PCDH15: variants seen among roughly 807,000 people sequenced by gnomAD.
PCDH15 encodes the protein protocadherin-15.
In PCDH15, 129 loss-of-function variants were observed where a neutral mutation model predicts 178.5. The ratio of observed to expected loss-of-function variants is 0.72; its 90% CI spans 0.63 to 0.84. The LOEUF (loss-of-function observed/expected upper bound fraction) is 0.84, where lower values mean the gene tolerates loss of function less well. Ranked by LOEUF, PCDH15 falls within the 40% of genes least tolerant of loss-of-function variation. The pLI, the probability that PCDH15 is intolerant of heterozygous loss-of-function variation, is 0.00. For missense variants in PCDH15, 2,230 were observed against 2,099.9 expected, an observed-to-expected ratio of 1.06 and a Z score of -1.21; for synonymous variants, 800 against 732.0, an observed-to-expected ratio of 1.09 and a Z score of -1.50.
chr10:55,194,186 G>A (rs1371644288), intron 1 of PCDH15, among the ~76,000 whole-genome samples: 2 of 151,970 alleles, frequency 1.3e-5, no homozygotes, highest in African/African-American at 4.8e-5. Context: ...GATCTTAACT[G>A]TGATGTTATA....
chr10:54,361,763 G>T (rs986147366), intron 5 of PCDH15, among the ~76,000 whole-genome samples: 1 of 151,896 alleles, frequency 6.6e-6, no homozygotes, highest in African/African-American at 2.4e-5. Flanking sequence ...TCATATTAAT[G>T]GTCTTACACT....
Position 55,304,313 on chromosome 10 carries a change from T to C in PCDH15, c.-156+15286A>G, listed in dbSNP as rs190888289. 2.6e-5 allele frequency among the ~76,000 whole-genome samples: 4 copies of C among 152,298 alleles called. No individual in the cohort carries two copies. The East Asian group carries it at 5.8e-4, about 22-fold the overall frequency. On this transcript the variant is annotated intron_variant, in intron 1 of 5. Transcript: ENST00000458638. ...CTGAACCTATTTGGTGCTTTCAGGT[T>C]ATCACCTTCTCCAGAACACAATTTA...
At chr10:55,009,629 C>T (rs1840006789) in intron 2 of PCDH15, among the ~76,000 whole-genome samples, 1 of 151,750 alleles carries the variant, frequency 6.6e-6, no homozygotes, top group Admixed American at 6.6e-5. Flanking sequence ...TCTCATTATT[C>T]TTCATTATTC....
At chr10:54,294,513 C>T (rs1433647573) in intron 8 of PCDH15, among the ~76,000 whole-genome samples, 1 of 152,096 alleles carries the variant, frequency 6.6e-6, no homozygotes, top group Non-Finnish European at 1.5e-5. Context: ...ACGCATGTTA[C>T]TAATTTATTA....
intron 1 of PCDH15, among the ~76,000 whole-genome samples, chr10:54,678,960 G>A (rs896533466): frequency 3.3e-5 from 5 of 152,028 alleles, no homozygotes; most frequent in African/African-American, 1.2e-4. Flanking sequence ...GGAGGCCGAG[G>A]CGGGCGGATC....
chr10:54,808,207 A>G (rs1478082082), intron 3 of PCDH15, among the ~76,000 whole-genome samples: 1 of 152,206 alleles, frequency 6.6e-6, no homozygotes, highest in Non-Finnish European at 1.5e-5. Context: ...AGGCCATTCA[A>G]GGAACAAATT....
At chr10:54,771,506 G>A (rs1267139218) in intron 1 of PCDH15, among the ~76,000 whole-genome samples, 1 of 152,030 alleles carries the variant, frequency 6.6e-6, no homozygotes, top group Non-Finnish European at 1.5e-5. Context: ...GTTCAAGCCA[G>A]TCAGAATTGA....
intron 2 of PCDH15, among the ~76,000 whole-genome samples, chr10:54,617,680 C>T (rs114513196): frequency 0.038 from 5,609 of 148,456 alleles, 320 homozygotes; most frequent in African/African-American, 0.13. Context: ...GCCTGTAATT[C>T]GAGGTGGGAG....
At chr10:55,299,576 T>A (rs77049921) in intron 1 of PCDH15, among the ~76,000 whole-genome samples, 4,706 of 152,260 alleles carry the variant, frequency 0.031, 103 homozygotes, top group East Asian at 0.091. Flanking sequence ...TTTGGCAAAA[T>A]CTTTATCTGG....
intron 8 of PCDH15, among the ~76,000 whole-genome samples, chr10:54,292,840 C>T (rs184371219): frequency 1.3e-4 from 20 of 152,238 alleles, no homozygotes; most frequent in African/African-American, 4.3e-4. Flanking sequence ...GAAGAAAATT[C>T]CATGCTCATA....
At chr10:54,679,301 T>C (rs556578331) in intron 1 of PCDH15, among the ~76,000 whole-genome samples, 6 of 152,248 alleles carry the variant, frequency 3.9e-5, no homozygotes, top group Non-Finnish European at 7.4e-5. Flanking sequence ...GATTGGTGTA[T>C]TGAAGAGAAA....
intron 29 of PCDH15, among the ~76,000 whole-genome samples, chr10:53,839,202 C>CAAAAAA (rs758823713): frequency 1.7e-4 from 13 of 74,574 alleles, no homozygotes; most frequent in African/African-American, 2.6e-4. Context: ...GTCTCCGTCT[C>CAAAAAA]AAAAAAAAAA....
intron 30 of PCDH15, among the ~76,000 whole-genome samples, chr10:53,830,994 A>G (rs554755552): frequency 6.6e-6 from 1 of 152,284 alleles, no homozygotes; most frequent in South Asian, 2.1e-4. Context: ...TTACCCCAGG[A>G]TACCTGTTAC....
At chr10:54,772,712 C>T (rs61209708) in intron 1 of PCDH15, among the ~76,000 whole-genome samples, 4,441 of 152,120 alleles carry the variant, frequency 0.029, 176 homozygotes, top group African/African-American at 0.099. Context: ...GGTGGCGATT[C>T]CTCAGAGACC....
intron 2 of PCDH15, chr10:55,599,734 A>C (rs765121147): frequency 1.9e-4 from 78 of 401,506 alleles, no homozygotes; most frequent in Non-Finnish European, 2.7e-4. Context: ...ACAAAAAGTA[A>C]AAGGAACTCG....
chr10:54,594,966 A>G (rs1345033831), intron 2 of PCDH15, among the ~76,000 whole-genome samples: 6 of 152,192 alleles, frequency 3.9e-5, no homozygotes, highest in Non-Finnish European at 7.3e-5. Flanking sequence ...GGGTGCACAC[A>G]GTCCTGCGAC....
At chr10:54,655,308 G>GAGAGAGAGAGAGAC (rs2094373639) in intron 2 of PCDH15, among the ~76,000 whole-genome samples, 2 of 128,716 alleles carry the variant, frequency 1.6e-5, no homozygotes, top group African/African-American at 5.7e-5. Context: ...GAGAGACAGA[G>GAGAGAGAGAGAGAC]AGAGAGACAG....
In PCDH15 at chr10:55,203,501, C is replaced by T. The variant is rs16907111; in HGVS notation, c.-155-36850G>A. 4.2e-3 allele frequency among the ~76,000 whole-genome samples: 639 copies of T among 151,936 alleles called. 7 individuals carry two copies. The highest frequency in any genetic ancestry group is 0.015 in the African/African-American group (619 of 41,368). On this transcript the variant is annotated intron_variant, in intron 1 of 5. Coordinates refer to the PCDH15 transcript ENST00000458638. Reference sequence around the variant, plus strand: ...GACTTGCCTGTGGTGAGATGTGAGTCATCAGAAGCCGACATTAGGAACAGC... The same window carrying T: ...GACTTGCCTGTGGTGAGATGTGAGTTATCAGAAGCCGACATTAGGAACAGC...
At chr10:53,820,033 C>T (rs1406910002) in intron 33 of PCDH15, 132 bp downstream of exon 33, 2 of 390,842 alleles carry the variant, frequency 5.1e-6, no homozygotes, top group African/African-American at 2.1e-5. Context: ...GTTTTTTGGA[C>T]TTCTCTTATT....
Sources: allele counts gnomAD v4.1 joint callset (sites outside exome capture counted in the v4.1 genomes callset), GRCh38; gene constraint gnomAD v4.1.1; transcripts MANE v1.5; gene names NCBI Gene and HGNC (gene_info 2026-07-23, HGNC 2026-07-21).